REV1: variants seen among roughly 807,000 people sequenced by gnomAD.
The protein encoded by REV1 is REV1 DNA directed polymerase.
In REV1, 42 loss-of-function variants were observed where a neutral mutation model predicts 137.4. That is an observed-to-expected ratio of 0.31 (90% CI 0.24 to 0.40). The LOEUF (loss-of-function observed/expected upper bound fraction) is 0.40, where lower values mean the gene tolerates loss of function less well. Ranked by LOEUF, REV1 falls within the 10% of genes least tolerant of loss-of-function variation. The probability of loss-of-function intolerance (pLI) is 1.00; values close to 1 mark genes in which losing one functional copy is unlikely to be tolerated. For synonymous variants in REV1, 524 were observed against 519.2 expected, an observed-to-expected ratio of 1.01 and a Z score of -0.12; for missense variants, 1,282 against 1,490.1, an observed-to-expected ratio of 0.86 and a Z score of 2.30.
chr2:99,422,836 T>C (rs1188827934), intron 10 of REV1, among the ~76,000 whole-genome samples: 2 of 152,196 alleles, frequency 1.3e-5, no homozygotes, highest in African/African-American at 4.8e-5. Flanking sequence ...CACAGGCTGA[T>C]GCTTGCTCTA....
intron 8 of REV1, among the ~76,000 whole-genome samples, chr2:99,433,671 A>C (rs1310166903): frequency 6.6e-6 from 1 of 152,210 alleles, no homozygotes; most frequent in Non-Finnish European, 1.5e-5. Flanking sequence ...AATTTTAAAA[A>C]TTCTCTTTGG....
At chr2:99,443,289 A>C (rs181293876) in intron 4 of REV1, among the ~76,000 whole-genome samples, 1 of 152,352 alleles carries the variant, frequency 6.6e-6, no homozygotes, top group Admixed American at 6.5e-5. Flanking sequence ...TCTGGATTTT[A>C]AACCTAAAAT....
intron 1 of REV1, 81 bp from the exon 2 acceptor site, chr2:99,465,066 A>T (rs1684645886): frequency 2.4e-5 from 29 of 1,194,456 alleles, no homozygotes; most frequent in Non-Finnish European, 3.5e-5. Flanking sequence ...ATATCAAGAA[A>T]ATGAGAAATT....
At chr2:99,448,551 C>A (rs1469939900) in intron 4 of REV1, among the ~76,000 whole-genome samples, 1 of 152,160 alleles carries the variant, frequency 6.6e-6, no homozygotes, top group Non-Finnish European at 1.5e-5. Context: ...TCCCTCCTTT[C>A]CCCCTACTCC....
At position 99,425,013 on chromosome 2, in the gene REV1, A is replaced by G. The variant is rs949538205; in HGVS notation, c.1548-733T>C. On this transcript the variant is annotated intron_variant, in intron 9 of 22. Transcript: ENST00000258428. The stretch of plus-strand genomic sequence containing the variant: ...TATGGAATTATACATAATTAGTAAA[A>G]TTCTATTTTATCACTCTGTAAAGAA... 11 of 749,424 alleles carry G rather than the reference A, an allele frequency of 1.5e-5. No homozygotes were observed. In the African/African-American group the frequency reaches 1.9e-4, roughly 13 times the overall value. 46.4% of individuals were successfully genotyped at this position (749,424 alleles called of 1,614,324 possible).
At chr2:99,454,774 A>C (rs987322912) in intron 3 of REV1, among the ~76,000 whole-genome samples, 1 of 152,072 alleles carries the variant, frequency 6.6e-6, no homozygotes, top group African/African-American at 2.4e-5. Context: ...CAATACTCCT[A>C]CTATTAGTTT....
At chr2:99,461,821 G>A (rs1210394311) in intron 3 of REV1, among the ~76,000 whole-genome samples, 1 of 152,184 alleles carries the variant, frequency 6.6e-6, no homozygotes, top group Non-Finnish European at 1.5e-5. Context: ...TTCAAAAGTG[G>A]ATGTGTGGAT....
chr2:99,476,800 A>G (rs1472320384), intron 1 of REV1, among the ~76,000 whole-genome samples: 1 of 152,192 alleles, frequency 6.6e-6, no homozygotes, highest in Non-Finnish European at 1.5e-5. Context: ...CCTGATAGGC[A>G]ATCTCCATGA....
intron 1 of REV1, among the ~76,000 whole-genome samples, chr2:99,486,901 G>A (rs1456437926): frequency 1.4e-5 from 2 of 138,312 alleles, no homozygotes; most frequent in Non-Finnish European, 3.2e-5. Flanking sequence ...GTCTAAGGGG[G>A]GAAATAAATA....
chr2:99,479,474 G>C (rs186012499), intron 1 of REV1, among the ~76,000 whole-genome samples: 278 of 151,992 alleles, frequency 1.8e-3, no homozygotes, highest in Middle Eastern at 3.4e-3. Context: ...TTTTCAAGGT[G>C]AGTAAAATGA....
chr2:99,478,208 C>A (rs970249942), intron 1 of REV1, among the ~76,000 whole-genome samples: 2 of 152,120 alleles, frequency 1.3e-5, no homozygotes, highest in Admixed American at 1.3e-4. Context: ...CTGCACTGGC[C>A]AACACTGAGA....
chr2:99,458,096 A>G (rs898740758), intron 3 of REV1, among the ~76,000 whole-genome samples: 3 of 152,234 alleles, frequency 2.0e-5, no homozygotes, highest in African/African-American at 4.8e-5. Context: ...AAAGATCAAC[A>G]TATCAGATCT....
intron 12 of REV1, among the ~76,000 whole-genome samples, chr2:99,416,912 CAAAAAA>C (rs755184253): frequency 0.35 from 27,574 of 77,810 alleles, 3,227 homozygotes; most frequent in Admixed American, 0.48. Context: ...GACTCCATCT[CAAAAAA>C]AAAAAAAAAA....
chr2:99,448,098 T>C (rs1159620158), intron 4 of REV1, among the ~76,000 whole-genome samples: 3 of 152,210 alleles, frequency 2.0e-5, no homozygotes, highest in African/African-American at 7.2e-5. Flanking sequence ...GCCCAGCCTT[T>C]TCCACCACGC....
At chr2:99,476,757 C>A (rs763860295) in intron 1 of REV1, among the ~76,000 whole-genome samples, 1 of 152,180 alleles carries the variant, frequency 6.6e-6, no homozygotes, top group South Asian at 2.1e-4. Flanking sequence ...AGTCCCAGTA[C>A]AAATGCTGGA....
At chr2:99,424,895 G>A in intron 9 of REV1, 1 of 1,300,876 alleles carries the variant, frequency 7.7e-7, no homozygotes, top group Non-Finnish European at 1.0e-6. Context: ...AGAACTTTGA[G>A]GGACCTAATT....
At chr2:99,436,989 T>G (rs1051502416) in intron 6 of REV1, among the ~76,000 whole-genome samples, 2 of 145,926 alleles carry the variant, frequency 1.4e-5, no homozygotes, top group Admixed American at 1.4e-4. Flanking sequence ...ACTTTTTTTT[T>G]GTTTTTTTTT....
At chr2:99,470,950 CAA>C (rs368359056) in intron 1 of REV1, among the ~76,000 whole-genome samples, 40 of 152,256 alleles carry the variant, frequency 2.6e-4, no homozygotes, top group African/African-American at 9.4e-4. Context: ...ACAAGCATTC[CAA>C]AGAGGTTTAT....
At chr2:99,425,222 C>T (rs1679187170) in intron 9 of REV1, among the ~76,000 whole-genome samples, 1 of 152,082 alleles carries the variant, frequency 6.6e-6, no homozygotes, top group African/African-American at 2.4e-5. Context: ...ACTCATAGGC[C>T]TCTGGCACCC....
Sources: allele counts gnomAD v4.1 joint callset (sites outside exome capture counted in the v4.1 genomes callset), GRCh38; gene constraint gnomAD v4.1.1; transcripts MANE v1.5; gene names NCBI Gene and HGNC (gene_info 2026-07-23, HGNC 2026-07-21).